Variants in STRIP2 observed in about 807,000 individuals in gnomAD.
The protein encoded by STRIP2 is striatin interacting protein 2, also known as striatin-interacting protein 2.
In STRIP2, 84 loss-of-function variants were observed where a neutral mutation model predicts 107.1. That is an observed-to-expected ratio of 0.78 (90% confidence interval 0.66 to 0.94). The LOEUF (loss-of-function observed/expected upper bound fraction) is 0.94. Ranked by LOEUF, STRIP2 falls within the 40% of genes least tolerant of loss-of-function variation. The probability of loss-of-function intolerance (pLI) is 0.00; values close to 1 mark genes in which losing one functional copy is unlikely to be tolerated. For missense variants in STRIP2, 888 were observed against 1,034.2 expected (o/e 0.86, Z 1.94); for synonymous variants, 394 against 400.4 (o/e 0.98, Z 0.19).
chr7:129,465,237 T>C (rs1268302678), intron 16 of STRIP2, among the ~76,000 whole-genome samples: 1 of 152,130 alleles, frequency 6.6e-6, no homozygotes, highest in African/African-American at 2.4e-5. Flanking sequence ...TGATAAGCAC[T>C]GGTTGCTATG....
In STRIP2 at chr7:129,458,738, A is replaced by G; in HGVS notation, c.1301A>G (p.Glu434Gly). Reference sequence around the variant, plus strand: ...CAGAAGGACATTGAGCACTTCTTGGAGATGAGCAGGAACAAGTTCATCGGA... The same window carrying G: ...CAGAAGGACATTGAGCACTTCTTGGGGATGAGCAGGAACAAGTTCATCGGA... The part of the protein sequence containing the change: ...VRQKDIEHFL[E>G]MSRNKFIGFT... The change falls in exon 11 of 21, where the codon GAG becomes GGG. Residue 434 changes from glutamate (E) to glycine (G), a missense_variant. Glu to Gly is a moderately conservative substitution (Grantham distance 98). Transcript: ENST00000249344. The surrounding 1 kb of genome is among the most constrained non-coding windows in gnomAD (Gnocchi z 4.6). 1.2e-6 allele frequency: 2 copies of G among 1,614,120 alleles called. No homozygotes were observed. Among genetic ancestry groups the G allele is most frequent in the Non-Finnish European group, 1.7e-6 (2 of 1,180,018 alleles).
intron 18 of STRIP2, chr7:129,478,155 G>T: frequency 4.1e-6 from 1 of 244,476 alleles, no homozygotes. Context: ...CAAAGAGCCT[G>T]TTTTACTATG....
chr7:129,462,922 C>T (rs752725149), intron 13 of STRIP2, 44 bp from the exon 14 acceptor site: 113 of 1,558,304 alleles, frequency 7.3e-5, no homozygotes, highest in Non-Finnish European at 9.6e-5. Flanking sequence ...AGCCTTTGGT[C>T]ACCTGGAAAG....
rs779386104 is a variant in STRIP2 at position 129,454,167 on chromosome 7, C to T, written c.556C>T (p.Leu186Phe). 1.2e-6 allele frequency: 2 copies of T among 1,614,130 alleles called. No homozygotes were observed. The highest frequency in any genetic ancestry group is 2.2e-5 in the South Asian group (2 of 91,084). ...IDNSQACSSA[L>F]RKPAVSIADS... ...CAACAGCCAGGCCTGTAGCAGTGCC[C>T]TTCGGAAACCAGCTGTCTCCATAGC... is the stretch of plus-strand genomic sequence containing the variant. The change falls in exon 6 of 21, where the codon CTT (leucine) becomes TTT (phenylalanine). Residue 186 changes from leucine (L) to phenylalanine (F), a missense_variant. Physicochemically the swap from Leu to Phe is conservative, Grantham distance 22. Transcript: ENST00000249344.
rs181542345 is a variant in STRIP2, at chr7:129,463,559, G to C, written c.1552-485G>C. ...CGCCCAGGCTGGAGTGCAGTGGCAC[G>C]ATCTTGGCCCACTGCAACCTCCACC... On this transcript the variant is annotated intron_variant, in intron 14 of 20. Coordinates refer to ENST00000249344, the MANE Select transcript of STRIP2 (RefSeq NM_020704.3). Among the ~76,000 whole-genome samples, 355 of 151,572 alleles carry C rather than the reference G, an allele frequency of 2.3e-3. 1 individual carries two copies. The highest frequency in any genetic ancestry group is 7.9e-3 in the African/African-American group (327 of 41,218).
intron 18 of STRIP2, among the ~76,000 whole-genome samples, chr7:129,472,110 G>A (rs1798802080): frequency 6.6e-6 from 1 of 152,172 alleles, no homozygotes; most frequent in South Asian, 2.1e-4. Context: ...GAAAGTGGAA[G>A]TCAGGGTAGA....
At chr7:129,472,776 C>CTTTTT (rs1798822125) in intron 18 of STRIP2, among the ~76,000 whole-genome samples, 17 of 78,262 alleles carry the variant, frequency 2.2e-4, no homozygotes, top group African/African-American at 6.8e-4. Flanking sequence ...TTTTCTTTTC[C>CTTTTT]TTTTTTTTTT....
At chr7:129,462,651 C>T (rs1027474978) in intron 13 of STRIP2, among the ~76,000 whole-genome samples, 2 of 152,186 alleles carry the variant, frequency 1.3e-5, no homozygotes, top group African/African-American at 4.8e-5. Flanking sequence ...TCCTTCCAGG[C>T]TTACAGAACG....
chr7:129,483,214 A>C lies in STRIP2; in HGVS notation c.2254+168A>C, dbSNP rs1290654590. ...CACCAAACTTTAAGGTTATGCCTCAAATTCTAGTATGTACCCTTGTCCTAT... is the reference window on the plus strand; with the variant it reads ...CACCAAACTTTAAGGTTATGCCTCACATTCTAGTATGTACCCTTGTCCTAT... On this transcript the variant is annotated intron_variant, in intron 20 of 20. Coordinates refer to ENST00000249344, the MANE Select transcript of STRIP2 (RefSeq NM_020704.3). The surrounding 1 kb of genome is among the most constrained non-coding windows in gnomAD (Gnocchi z 5.1). 1.4e-6 allele frequency: 2 copies of C among 1,424,766 alleles called. No individual in the cohort carries two copies. Among genetic ancestry groups the C allele is most frequent in the African/African-American group, 2.9e-5 (2 of 69,584 alleles). The allele number at this position is 1,424,766 out of a possible 1,614,324, so 88.3% of individuals were successfully genotyped here. A position where few individuals can be genotyped will look rare whatever the true frequency, so the allele number is the denominator to read the frequency against.
intron 20 of STRIP2, among the ~76,000 whole-genome samples, chr7:129,484,271 G>C (rs1799193651): frequency 6.6e-6 from 1 of 152,172 alleles, no homozygotes; most frequent in Admixed American, 6.5e-5. Flanking sequence ...GTAATCTTGG[G>C]AACTGTACAT....
rs770775642 is a variant in STRIP2 at position 129,454,452 on chromosome 7, G to GA, written c.635dup (p.Asn212LysfsTer23). ...GCTGAGTGTTATGTACCTAATGGTG[G>GA]AAAATATTCGCCTGGAGCGAGAGAC... On this transcript the variant is annotated frameshift_variant, in exon 7 of 21. Transcript: ENST00000249344. LOFTEE classifies it high-confidence loss of function. 1.9e-6 allele frequency: 3 copies of GA among 1,614,138 alleles called. No homozygotes were observed. In the South Asian group the frequency reaches 3.3e-5, roughly 18 times the overall value.
In STRIP2 at chr7:129,456,537, G is replaced by A. The variant is rs757249618; in HGVS notation, c.933G>A (p.Val311=). 2 of 1,614,142 alleles carry A rather than the reference G, an allele frequency of 1.2e-6. No individual in the cohort carries two copies. The highest frequency in any genetic ancestry group is 1.7e-6 in the Non-Finnish European group (2 of 1,180,044). The stretch of plus-strand genomic sequence containing the variant: ...TGGCTGAAGACAGTATCCAGGTGGT[G>A]AAGAGCATGCGTGCTGCCTCCCCGC... ...PPLAEDSIQV[V]KSMRAASPPS... is the part of the protein sequence containing the mutation. Residue 311 remains valine, a synonymous_variant, in exon 9 of 21, where the codon GTG becomes GTA. Coordinates refer to ENST00000249344, the MANE Select transcript of STRIP2 (RefSeq NM_020704.3).
chr7:129,477,625 A>T (rs142099197), intron 18 of STRIP2, among the ~76,000 whole-genome samples: 1 of 152,286 alleles, frequency 6.6e-6, no homozygotes, highest in East Asian at 1.9e-4. Flanking sequence ...TCACTTGAGA[A>T]CCATTACTCT....
At chr7:129,452,816 C>A (rs1798232296) in intron 4 of STRIP2, among the ~76,000 whole-genome samples, 1 of 152,230 alleles carries the variant, frequency 6.6e-6, no homozygotes. Flanking sequence ...CTGACTGTCT[C>A]ACCCCTCTTG....
chr7:129,454,266 C>T, intron 6 of STRIP2, 56 bp downstream of exon 6: 2 of 1,579,744 alleles, frequency 1.3e-6, no homozygotes, highest in Non-Finnish European at 1.7e-6. Context: ...ACCTGGGTTA[C>T]CTTTTCCCCA....
chr7:129,478,941 A>G, intron 18 of STRIP2, among the ~76,000 whole-genome samples: 1 of 152,298 alleles, frequency 6.6e-6, no homozygotes, highest in Non-Finnish European at 1.5e-5. Flanking sequence ...AAATACACTT[A>G]CTTATCCCAT....
intron 2 of STRIP2, among the ~76,000 whole-genome samples, chr7:129,441,472 A>C (rs1294161095): frequency 6.6e-6 from 1 of 152,266 alleles, no homozygotes; most frequent in Non-Finnish European, 1.5e-5. Flanking sequence ...TACAATGCTC[A>C]TCAGTAGGGA....
Position 129,482,974 on chromosome 7 carries a change from A to G in STRIP2, c.2182A>G (p.Asn728Asp), listed in dbSNP as rs1799165942. Reference sequence around the variant, plus strand: ...CCTGGGGCGCCAATGGAGGAAAAGCAACATGAAAACCATGTCAGCCATTTA... The same window carrying G: ...CCTGGGGCGCCAATGGAGGAAAAGCGACATGAAAACCATGTCAGCCATTTA... ...KYLGRQWRKS[N>D]MKTMSAIYQK... The change falls in exon 20 of 21, where the codon AAC (asparagine) becomes GAC (aspartate). Residue 728 changes from asparagine (N) to aspartate (D), a missense_variant. Coordinates refer to ENST00000249344, the MANE Select transcript of STRIP2 (RefSeq NM_020704.3). The G allele has an allele frequency of 6.2e-7, 1 of 1,614,132 alleles. No individual in the cohort carries two copies. Among genetic ancestry groups the G allele is most frequent in the Non-Finnish European group, 8.5e-7 (1 of 1,180,052 alleles).
intron 4 of STRIP2, among the ~76,000 whole-genome samples, chr7:129,452,446 G>A (rs1355813536): frequency 6.6e-6 from 1 of 152,184 alleles, no homozygotes; most frequent in South Asian, 2.1e-4. Context: ...TGGACATTAG[G>A]TGAAGAGAAG....
Sources: gnomAD v4.1 joint callset for allele counts (sites outside exome capture counted in the v4.1 genomes callset) on GRCh38, gnomAD v4.1.1 for gene constraint, Gnocchi (gnomAD v3.1) non-coding constraint, MANE v1.5 for transcripts, NCBI Gene and HGNC (gene_info 2026-07-23, HGNC 2026-07-21) for gene names.